INSL6: variants seen among roughly 807,000 people sequenced by gnomAD.
INSL6 encodes insulin-like peptide INSL6.
Under a neutral mutation model 9.4 loss-of-function variants are expected in INSL6, and 16 were observed. The ratio of observed to expected loss-of-function variants is 1.70; its 90% CI spans 1.15 to 2.59. INSL6 has a LOEUF of 2.59. INSL6 is among the 30% of genes most tolerant of loss of function. The probability of loss-of-function intolerance (pLI) is 0.00; values close to 1 mark genes in which losing one functional copy is unlikely to be tolerated. For synonymous variants in INSL6, 154 were observed against 96.9 expected, an observed-to-expected ratio of 1.59 and a Z score of -3.46; for missense variants, 391 against 257.3, an observed-to-expected ratio of 1.52 and a Z score of -3.56.
intron 3 of INSL6, among the ~76,000 whole-genome samples, chr9:5,129,395 A>C (rs11788164): frequency 6.6e-6 from 1 of 151,830 alleles, no homozygotes; most frequent in Non-Finnish European, 1.5e-5. Flanking sequence ...AATGCTTCCT[A>C]CAACTGCTGT....
chr9:5,110,755 C>T, the INSL6 span: 7 of 377,784 alleles, frequency 1.9e-5, no homozygotes, highest in African/African-American at 1.1e-4. Context: ...CTTTGCTCTG[C>T]GGACTGGCCA....
At chr9:5,142,728 G>C (rs1474164998) in intron 2 of INSL6, among the ~76,000 whole-genome samples, 4 of 152,194 alleles carry the variant, frequency 2.6e-5, no homozygotes, top group Non-Finnish European at 5.9e-5. Context: ...AGAACTTCCA[G>C]TACTATGTTG....
At chr9:5,047,570 T>C in the INSL6 span, among the ~76,000 whole-genome samples, 2 of 152,250 alleles carry the variant, frequency 1.3e-5, no homozygotes, top group Admixed American at 1.3e-4. Flanking sequence ...GTGACTGTTT[T>C]TTATTTCCCT....
chr9:4,992,041 C>T, the INSL6 span, among the ~76,000 whole-genome samples: 2 of 152,130 alleles, frequency 1.3e-5, no homozygotes, highest in Admixed American at 1.3e-4. Context: ...TGAGACAGGG[C>T]ACACCAGGGA....
intron 2 of INSL6, among the ~76,000 whole-genome samples, chr9:5,148,479 G>A (rs1824645853): frequency 6.6e-6 from 1 of 152,126 alleles, no homozygotes; most frequent in Non-Finnish European, 1.5e-5. Flanking sequence ...CTGGCACTGT[G>A]CTCACAATTT....
the INSL6 span, among the ~76,000 whole-genome samples, chr9:5,048,204 T>TGATCC: frequency 2.0e-5 from 3 of 151,988 alleles, no homozygotes; most frequent in Admixed American, 6.6e-5. Flanking sequence ...TGCAATGGCG[T>TGATCC]GATCTCGGCT....
intron 1 of INSL6, among the ~76,000 whole-genome samples, 166 bp from the exon 2 acceptor site, chr9:5,164,431 G>C (rs1047093796): frequency 6.6e-6 from 1 of 152,178 alleles, no homozygotes; most frequent in Non-Finnish European, 1.5e-5. Flanking sequence ...ACTAAAGTAG[G>C]TGTAGTGTTT....
At chr9:5,111,959 C>T in the INSL6 span, 1 of 350,252 alleles carries the variant, frequency 2.9e-6, no homozygotes, top group Non-Finnish European at 5.7e-6. Context: ...TGTGGTCCAG[C>T]CCCTCCACCG....
At chr9:5,010,161 G>A in the INSL6 span, among the ~76,000 whole-genome samples, 1 of 152,108 alleles carries the variant, frequency 6.6e-6, no homozygotes, top group Non-Finnish European at 1.5e-5. Flanking sequence ...GTAAATTTCT[G>A]ATTTGCTGAT....
chr9:5,065,785 T>A, the INSL6 span, among the ~76,000 whole-genome samples: 1 of 152,176 alleles, frequency 6.6e-6, no homozygotes, highest in Non-Finnish European at 1.5e-5. Context: ...TTTGAATAAC[T>A]CGAGCAAAGG....
chr9:5,015,908 T>TA, the INSL6 span, among the ~76,000 whole-genome samples: 2 of 151,156 alleles, frequency 1.3e-5, no homozygotes, highest in East Asian at 3.9e-4. Flanking sequence ...GAGTAAAAAA[T>TA]ATCCTGAATA....
At chr9:5,061,943 G>A in the INSL6 span, among the ~76,000 whole-genome samples, 1 of 152,184 alleles carries the variant, frequency 6.6e-6, no homozygotes, top group East Asian at 1.9e-4. Context: ...TTGTGTCTGA[G>A]GGAATAGGGA....
chr9:5,127,269 ATAAT>A (rs1219701099), intron 3 of INSL6: 6 of 232,424 alleles, frequency 2.6e-5, no homozygotes, highest in East Asian at 6.0e-5. Context: ...TAGTTAATCT[ATAAT>A]TAATTACTTC....
intron 3 of INSL6, among the ~76,000 whole-genome samples, chr9:5,130,701 C>A (rs576068838): frequency 2.3e-4 from 34 of 150,578 alleles, no homozygotes; most frequent in East Asian, 2.1e-3. Context: ...TATGAATTTT[C>A]TTTTTTTTAT....
intron 1 of INSL6, among the ~76,000 whole-genome samples, chr9:5,170,436 G>C (rs950638364): frequency 4.6e-5 from 7 of 151,858 alleles, no homozygotes; most frequent in Non-Finnish European, 1.0e-4. Context: ...ACAACCAAAA[G>C]AAGTAGAGAA....
In INSL6 at chr9:5,135,447, A is replaced by G. The variant is rs551251142; in HGVS notation, c.377-1855T>C. Reference sequence around the variant, plus strand: ...TCTCATATCAGAGTGCAATCAAATTAGAACTCAGGATTAAGAAACTCACTC... The same window carrying G: ...TCTCATATCAGAGTGCAATCAAATTGGAACTCAGGATTAAGAAACTCACTC... On this transcript the variant is annotated intron_variant, in intron 2 of 3. Transcript: ENST00000649639. 2.4e-4 allele frequency among the ~76,000 whole-genome samples: 37 copies of G among 152,312 alleles called. No homozygotes were observed. In the South Asian group the frequency reaches 3.3e-3, roughly 14 times the overall value.
the INSL6 span, among the ~76,000 whole-genome samples, chr9:5,107,567 A>C: frequency 6.6e-6 from 1 of 152,176 alleles, no homozygotes; most frequent in Non-Finnish European, 1.5e-5. Context: ...GATTGAATTG[A>C]ATTGGTAAAT....
At chr9:5,074,359 C>T in the INSL6 span, among the ~76,000 whole-genome samples, 13,065 of 152,072 alleles carry the variant, frequency 0.086, 1,733 homozygotes, top group African/African-American at 0.29. Context: ...TGAAGGTTTA[C>T]GGCAACCCAG....
the INSL6 span, among the ~76,000 whole-genome samples, chr9:5,033,226 T>C: frequency 2.0e-5 from 3 of 152,126 alleles, no homozygotes; most frequent in Non-Finnish European, 2.9e-5. Context: ...AACAAAGCCT[T>C]CAAGAAATAT....
Sources: gnomAD v4.1 joint callset for allele counts (sites outside exome capture counted in the v4.1 genomes callset) on GRCh38, gnomAD v4.1.1 for gene constraint, MANE v1.5 for transcripts, NCBI Gene and HGNC (gene_info 2026-07-23, HGNC 2026-07-21) for gene names.